Variants in TECPR2 observed in about 807,000 individuals in gnomAD.
The protein encoded by TECPR2 is tectonin beta-propeller repeat containing 2, also known as tectonin beta-propeller repeat-containing protein 2.
In TECPR2, 65 loss-of-function variants were observed where a neutral mutation model predicts 138.1. That is an observed-to-expected ratio of 0.47 (90% CI 0.39 to 0.58). The LOEUF (loss-of-function observed/expected upper bound fraction) is 0.58, where lower values mean the gene tolerates loss of function less well. Ranked by LOEUF, TECPR2 falls within the 20% of genes least tolerant of loss-of-function variation. The pLI, the probability that TECPR2 is intolerant of heterozygous loss-of-function variation, is 0.00. For missense variants in TECPR2, 1,553 were observed against 1,824.5 expected, an observed-to-expected ratio of 0.85 and a Z score of 2.71; for synonymous variants, 746 against 749.8, an observed-to-expected ratio of 0.99 and a Z score of 0.08.
chr14:102,398,240 A>G (rs1439603915), intron 2 of TECPR2, among the ~76,000 whole-genome samples: 1 of 152,188 alleles, frequency 6.6e-6, no homozygotes, highest in Non-Finnish European at 1.5e-5. Context: ...AGGGATTCAA[A>G]GGCAGATTTG....
intron 7 of TECPR2, 68 bp downstream of exon 7, chr14:102,428,450 C>G: frequency 6.3e-7 from 1 of 1,587,296 alleles, no homozygotes; most frequent in East Asian, 2.3e-5. Context: ...TTTGTAATTG[C>G]AGTTAATAAT....
chr14:102,490,903 GT>G (rs995323047), intron 17 of TECPR2, among the ~76,000 whole-genome samples: 3 of 151,498 alleles, frequency 2.0e-5, no homozygotes, highest in African/African-American at 4.9e-5. Flanking sequence ...GTTTTTTTGG[GT>G]TTTTTTTGAG....
chr14:102,384,449 C>T (rs1331610802), intron 2 of TECPR2, among the ~76,000 whole-genome samples: 1 of 151,532 alleles, frequency 6.6e-6, no homozygotes, highest in African/African-American at 2.4e-5. Context: ...GAGGCCAAGA[C>T]AGGCGGATCA....
intron 1 of TECPR2, among the ~76,000 whole-genome samples, chr14:102,364,109 G>A (rs970344532): frequency 6.6e-6 from 1 of 152,198 alleles, no homozygotes; most frequent in Non-Finnish European, 1.5e-5. Flanking sequence ...ATCTATTGGA[G>A]TGACCAGTTG....
intron 1 of TECPR2, among the ~76,000 whole-genome samples, chr14:102,375,754 C>CT (rs1887626081): frequency 1.3e-5 from 2 of 152,266 alleles, no homozygotes; most frequent in Admixed American, 1.3e-4. Context: ...GCCTGCCTGT[C>CT]AGAGCTGTGA....
intron 2 of TECPR2, among the ~76,000 whole-genome samples, chr14:102,383,328 C>T (rs1372735687): frequency 6.6e-6 from 1 of 152,126 alleles, no homozygotes; most frequent in Non-Finnish European, 1.5e-5. Context: ...GGACTCCTTA[C>T]TCAGGTTGCA....
At chr14:102,475,122 A>G (rs900029208) in intron 17 of TECPR2, among the ~76,000 whole-genome samples, 1 of 152,180 alleles carries the variant, frequency 6.6e-6, no homozygotes, top group Non-Finnish European at 1.5e-5. Flanking sequence ...GCAGAGTGCC[A>G]TGGAGCCAGC....
chr14:102,407,738 T>A (rs1288015012), intron 3 of TECPR2, among the ~76,000 whole-genome samples: 1 of 152,134 alleles, frequency 6.6e-6, no homozygotes, highest in African/African-American at 2.4e-5. Context: ...GGCTCATGCC[T>A]GTAATCCCAG....
chr14:102,404,996 T>C (rs568145919), intron 2 of TECPR2, among the ~76,000 whole-genome samples: 2 of 151,968 alleles, frequency 1.3e-5, no homozygotes, highest in East Asian at 3.9e-4. Flanking sequence ...GACCCTTACC[T>C]AATACTACAT....
chr14:102,388,108 A>G (rs958343176), intron 2 of TECPR2, among the ~76,000 whole-genome samples: 4 of 152,170 alleles, frequency 2.6e-5, no homozygotes, highest in African/African-American at 2.4e-5. Flanking sequence ...GCCAAGGTGC[A>G]TTTGCCCAGT....
At chr14:102,449,524 A>G (rs557295908) in intron 13 of TECPR2, 105 bp from the exon 14 acceptor site, 1 of 1,504,244 alleles carries the variant, frequency 6.6e-7, no homozygotes, top group Non-Finnish European at 9.0e-7. Flanking sequence ...TCTTGTTACT[A>G]GAAATGCAGA....
intron 17 of TECPR2, among the ~76,000 whole-genome samples, chr14:102,468,276 C>G (rs1260864332): frequency 6.6e-6 from 1 of 152,218 alleles, no homozygotes; most frequent in East Asian, 1.9e-4. Context: ...CAACTTCTGC[C>G]TCCTGGATTC....
At chr14:102,452,095 T>C (rs1468198527) in intron 15 of TECPR2, among the ~76,000 whole-genome samples, 1 of 152,170 alleles carries the variant, frequency 6.6e-6, no homozygotes, top group Non-Finnish European at 1.5e-5. Context: ...CCATGAAAAA[T>C]GGGAGGTCAA....
chr14:102,496,145 G>C (rs188350898), intron 17 of TECPR2, among the ~76,000 whole-genome samples: 1 of 152,354 alleles, frequency 6.6e-6, no homozygotes, highest in East Asian at 1.9e-4. Context: ...CAGGAGGGCA[G>C]GGACCCAAGA....
chr14:102,404,997 A>C (rs1199977104), intron 2 of TECPR2, among the ~76,000 whole-genome samples: 1 of 152,092 alleles, frequency 6.6e-6, no homozygotes, highest in Non-Finnish European at 1.5e-5. Context: ...ACCCTTACCT[A>C]ATACTACATT....
At chr14:102,411,183 A>T (rs1888842616) in intron 4 of TECPR2, among the ~76,000 whole-genome samples, 1 of 152,266 alleles carries the variant, frequency 6.6e-6, no homozygotes, top group Non-Finnish European at 1.5e-5. Flanking sequence ...CAGCCCTGAG[A>T]AACATCGCCC....
intron 1 of TECPR2, among the ~76,000 whole-genome samples, chr14:102,367,441 C>T (rs1239764377): frequency 6.6e-6 from 1 of 152,180 alleles, no homozygotes; most frequent in Non-Finnish European, 1.5e-5. Context: ...CCTGGGCAAC[C>T]ACTGACCTAC....
intron 2 of TECPR2, among the ~76,000 whole-genome samples, chr14:102,378,513 C>T (rs1229832941): frequency 6.6e-6 from 1 of 152,094 alleles, no homozygotes; most frequent in South Asian, 2.1e-4. Context: ...TCCTCATTTA[C>T]TAAGGAGACA....
chr14:102,373,442 T>G (rs991932835), intron 1 of TECPR2, among the ~76,000 whole-genome samples: 2 of 152,194 alleles, frequency 1.3e-5, no homozygotes, highest in African/African-American at 4.8e-5. Context: ...TAGGCTTTGA[T>G]TAGATGATTT....
Sources: gnomAD v4.1 joint callset for allele counts (sites outside exome capture counted in the v4.1 genomes callset) on GRCh38, gnomAD v4.1.1 for gene constraint, MANE v1.5 for transcripts, NCBI Gene and HGNC (gene_info 2026-07-23, HGNC 2026-07-21) for gene names.